Variants in CDH7 observed in about 807,000 individuals in gnomAD.
CDH7 encodes cadherin 7, also known as cadherin-7.
CDH7 carries 25 observed loss-of-function variants against 71.8 expected under a neutral mutation model. The observed-to-expected ratio is 0.35, with a 90% CI of 0.25 to 0.49. The LOEUF (loss-of-function observed/expected upper bound fraction) is 0.49. Ranked by LOEUF, CDH7 falls within the 20% of genes least tolerant of loss-of-function variation. The pLI, the probability that CDH7 is intolerant of heterozygous loss-of-function variation, is 0.99. For synonymous variants in CDH7, 381 were observed against 363.8 expected, an observed-to-expected ratio of 1.05 and a Z score of -0.54; for missense variants, 862 against 974.6, an observed-to-expected ratio of 0.88 and a Z score of 1.54.
At chr18:65,784,478 A>G (rs1027658165) in intron 2 of CDH7, among the ~76,000 whole-genome samples, 3 of 152,132 alleles carry the variant, frequency 2.0e-5, no homozygotes, top group African/African-American at 7.2e-5. Flanking sequence ...AAGGAGAATC[A>G]GCTTCTCACA....
chr18:65,862,312 A>ATG (rs1367289924), intron 10 of CDH7, among the ~76,000 whole-genome samples: 1 of 152,184 alleles, frequency 6.6e-6, no homozygotes, highest in African/African-American at 2.4e-5. Flanking sequence ...ACCTGTTAAT[A>ATG]TGTACCATCC....
chr18:65,815,785 T>C (rs2143921425), intron 4 of CDH7, among the ~76,000 whole-genome samples: 1 of 152,334 alleles, frequency 6.6e-6, no homozygotes, highest in Admixed American at 6.5e-5. Flanking sequence ...ATCCTGTGAA[T>C]GTGGAAAGCG....
chr18:65,815,845 C>T (rs1911705793), intron 4 of CDH7, among the ~76,000 whole-genome samples: 1 of 152,074 alleles, frequency 6.6e-6, no homozygotes, highest in Admixed American at 6.6e-5. Flanking sequence ...ATTCAAACAC[C>T]CACCTCTTCC....
chr18:65,796,558 C>T (rs779514255), intron 2 of CDH7, among the ~76,000 whole-genome samples: 39 of 152,084 alleles, frequency 2.6e-4, no homozygotes, highest in African/African-American at 7.5e-4. Context: ...TTTATTTAGA[C>T]GAGATGTACA....
intron 2 of CDH7, among the ~76,000 whole-genome samples, chr18:65,795,569 A>C (rs1233666896): frequency 6.6e-6 from 1 of 152,196 alleles, no homozygotes; most frequent in Non-Finnish European, 1.5e-5. Flanking sequence ...TGTAAATCTC[A>C]GAGAAATGAA....
intron 2 of CDH7, among the ~76,000 whole-genome samples, chr18:65,763,699 A>G (rs1916272850): frequency 6.6e-6 from 1 of 151,984 alleles, no homozygotes; most frequent in Non-Finnish European, 1.5e-5. Flanking sequence ...TAGAAATGAT[A>G]TTAGACAAGT....
chr18:65,845,356 G>T (rs908274976), intron 7 of CDH7, among the ~76,000 whole-genome samples: 6 of 152,038 alleles, frequency 3.9e-5, no homozygotes, highest in African/African-American at 1.4e-4. Flanking sequence ...TTTTAATGTG[G>T]TGATAATAGA....
At chr18:65,850,662 G>C (rs931029187) in intron 7 of CDH7, among the ~76,000 whole-genome samples, 3 of 151,438 alleles carry the variant, frequency 2.0e-5, no homozygotes, top group Non-Finnish European at 4.4e-5. Flanking sequence ...AAACATTCTG[G>C]ACATCTTGAG....
chr18:65,871,971 G>T (rs1211451542), intron 11 of CDH7, among the ~76,000 whole-genome samples: 2 of 151,334 alleles, frequency 1.3e-5, no homozygotes, highest in Admixed American at 6.5e-5. Flanking sequence ...GCTCGCCTAG[G>T]AAGAATGTGG....
intron 1 of CDH7, among the ~76,000 whole-genome samples, chr18:65,754,392 A>G (rs944660699): frequency 6.6e-6 from 1 of 152,156 alleles, no homozygotes; most frequent in African/African-American, 2.4e-5. Context: ...TGGCCCAGGG[A>G]GCTAATGGAT....
In CDH7 at chr18:65,793,329, AG is replaced by A. The variant is rs1910782689; in HGVS notation, c.211-16373del. Among the ~76,000 whole-genome samples the A allele has an allele frequency of 7.3e-5, 11 of 150,994 alleles. No homozygotes were observed. The South Asian group carries it at 2.3e-3, about 32-fold the overall frequency. On this transcript the variant is annotated intron_variant, in intron 2 of 11. Transcript: ENST00000397968. Reference sequence around the variant, plus strand: ...GTGTGTGTCATTTCAGCTTCTCCACAGGCTGTGGTGGGAGGATTGCTTGAGT... The same window carrying A: ...GTGTGTGTCATTTCAGCTTCTCCACAGCTGTGGTGGGAGGATTGCTTGAGT...
At chr18:65,866,754 A>C (rs936256065) in intron 11 of CDH7, among the ~76,000 whole-genome samples, 2 of 152,162 alleles carry the variant, frequency 1.3e-5, no homozygotes, top group African/African-American at 2.4e-5. Context: ...TGTATTTGTC[A>C]GTCTTTATCT....
intron 2 of CDH7, among the ~76,000 whole-genome samples, chr18:65,771,478 A>G (rs571244642): frequency 1.3e-5 from 2 of 151,898 alleles, no homozygotes; most frequent in East Asian, 3.9e-4. Flanking sequence ...CATCTCTACT[A>G]AAAAAATAAA....
intron 2 of CDH7, among the ~76,000 whole-genome samples, chr18:65,775,374 A>T (rs1909897609): frequency 5.3e-5 from 8 of 152,216 alleles, no homozygotes; most frequent in Admixed American, 5.2e-4. Context: ...ATTGTTATCA[A>T]GACTAAATAA....
rs778912633 is a variant in CDH7 at position 65,880,946 on chromosome 18, A to G, written c.*52A>G. On this transcript the variant is annotated 3_prime_UTR_variant, in exon 12 of 12. Transcript: ENST00000397968. ...TGAAGAAAAAGTAACAGCAAAAAAT[A>G]AAATAAAATGAAATAAAATAATAAA... 14 of 1,508,224 alleles carry G rather than the reference A, an allele frequency of 9.3e-6. No individual in the cohort carries two copies. In the South Asian group the frequency reaches 1.7e-4, roughly 19 times the overall value. 93.4% of individuals were successfully genotyped at this position (1,508,224 alleles called of 1,614,324 possible).
intron 2 of CDH7, among the ~76,000 whole-genome samples, chr18:65,773,032 A>G (rs932811335): frequency 1.3e-5 from 2 of 152,186 alleles, no homozygotes; most frequent in Non-Finnish European, 2.9e-5. Flanking sequence ...CTCTGGGTAC[A>G]TCGATAAAGT....
intron 4 of CDH7, among the ~76,000 whole-genome samples, chr18:65,818,238 G>GTTTA (rs1210618194): frequency 1.3e-5 from 2 of 152,076 alleles, no homozygotes; most frequent in Non-Finnish European, 2.9e-5. Context: ...AGTTAACTTT[G>GTTTA]GATGCTATAA....
intron 4 of CDH7, among the ~76,000 whole-genome samples, chr18:65,821,149 A>G (rs1234603783): frequency 2.0e-5 from 3 of 151,600 alleles, no homozygotes; most frequent in Non-Finnish European, 4.4e-5. Context: ...AAAAACAAGA[A>G]AAGAAAAAGG....
intron 6 of CDH7, among the ~76,000 whole-genome samples, chr18:65,826,421 T>C (rs1344937918): frequency 6.6e-6 from 1 of 151,140 alleles, no homozygotes; most frequent in Non-Finnish European, 1.5e-5. Context: ...ATGGAAGAAA[T>C]GGTAAATAAT....
Sources: gnomAD v4.1 joint callset for allele counts (sites outside exome capture counted in the v4.1 genomes callset) on GRCh38, gnomAD v4.1.1 for gene constraint, MANE v1.5 for transcripts, NCBI Gene and HGNC (gene_info 2026-07-23, HGNC 2026-07-21) for gene names.